The following CDK14 variants were observed in gnomAD, a reference collection of about 807,000 sequenced individuals.
CDK14 encodes the protein cyclin dependent kinase 14, also known as cyclin-dependent kinase 14.
A neutral mutation model predicts 60.7 loss-of-function variants in CDK14; 34 were observed. That is an observed-to-expected ratio of 0.56 (90% CI 0.43 to 0.75). The LOEUF (loss-of-function observed/expected upper bound fraction) is 0.75. CDK14 is among the 30% of genes least tolerant of loss of function. The probability of loss-of-function intolerance (pLI) is 0.00; values close to 1 mark genes in which losing one functional copy is unlikely to be tolerated. For synonymous variants in CDK14, 197 were observed against 203.7 expected, an observed-to-expected ratio of 0.97 and a Z score of 0.28; for missense variants, 482 against 564.1, an observed-to-expected ratio of 0.85 and a Z score of 1.47.
At chr7:91,066,587 G>A (rs575607927) in intron 11 of CDK14, among the ~76,000 whole-genome samples, 1 of 152,216 alleles carries the variant, frequency 6.6e-6, no homozygotes, top group Non-Finnish European at 1.5e-5. Flanking sequence ...ATGCTTATAT[G>A]CAAATGAGTA....
intron 2 of CDK14, among the ~76,000 whole-genome samples, chr7:90,651,669 C>G (rs1202879573): frequency 1.3e-5 from 2 of 152,112 alleles, no homozygotes; most frequent in East Asian, 3.9e-4. Flanking sequence ...GTTAATTTTT[C>G]TTTCTTGCCA....
chr7:91,003,370 C>G (rs1227876468), intron 10 of CDK14, among the ~76,000 whole-genome samples: 16 of 152,144 alleles, frequency 1.1e-4, no homozygotes, highest in Non-Finnish European at 1.6e-4. Context: ...GCCCCCACCC[C>G]TTGACAACAC....
intron 2 of CDK14, among the ~76,000 whole-genome samples, chr7:90,715,520 G>A (rs1042162183): frequency 3.9e-5 from 6 of 151,958 alleles, no homozygotes; most frequent in Non-Finnish European, 7.4e-5. Context: ...GCTATATGTT[G>A]TGGAGTCCTT....
chr7:91,200,157 A>G (rs761582520), intron 14 of CDK14, among the ~76,000 whole-genome samples: 3 of 152,222 alleles, frequency 2.0e-5, no homozygotes, highest in Non-Finnish European at 4.4e-5. Flanking sequence ...AAGAATAAGG[A>G]AATTAAGCTG....
chr7:91,202,524 T>C (rs1230729022), intron 14 of CDK14, among the ~76,000 whole-genome samples: 5 of 152,232 alleles, frequency 3.3e-5, no homozygotes, highest in Non-Finnish European at 7.3e-5. Flanking sequence ...TTCACTTCCC[T>C]GTGATTGTAG....
chr7:90,714,480 A>G lies in CDK14; in HGVS notation c.124-12087A>G, dbSNP rs544283294. On this transcript the variant is annotated intron_variant, in intron 2 of 14. Coordinates refer to ENST00000380050, the MANE Select transcript of CDK14 (RefSeq NM_001287135.2). ...ACTGGTCTTCATGAAATCAGTTAGG[A>G]GTGTTATTAATGGGTTACTGTCAAA... Among the ~76,000 whole-genome samples the G allele has an allele frequency of 4.6e-5, 7 of 152,128 alleles. No individual in the cohort carries two copies. In the South Asian group the frequency reaches 8.3e-4, roughly 18 times the overall value.
chr7:90,679,236 C>G (rs917782900), intron 2 of CDK14, among the ~76,000 whole-genome samples: 1 of 152,178 alleles, frequency 6.6e-6, no homozygotes, highest in African/African-American at 2.4e-5. Flanking sequence ...CAGATGTTAG[C>G]TACTCTACCC....
In CDK14 at chr7:90,601,393, T is replaced by C. The variant is rs144217317; in HGVS notation, c.92-2825T>C. ...TCTTTGTTGTCACTGTTAACTGCTG[T>C]TCAGGACAAGGACTCAATATTTAGA... On this transcript the variant is annotated intron_variant, in intron 1 of 14. Transcript: ENST00000380050. Among the ~76,000 whole-genome samples, 76 of 152,344 alleles carry C rather than the reference T, an allele frequency of 5.0e-4. 1 individual carries two copies. In the East Asian group the frequency reaches 0.011, roughly 22 times the overall value.
chr7:90,954,655 C>T lies in CDK14; in HGVS notation c.827-1042C>T, dbSNP rs1230844529. ...TTTTTTTTTTTTTGAGACGGAGTCTCGCTCTATCACCCAGGCTGGAGTGCA... is the reference window on the plus strand; with the variant it reads ...TTTTTTTTTTTTTGAGACGGAGTCTTGCTCTATCACCCAGGCTGGAGTGCA... On this transcript the variant is annotated intron_variant, in intron 8 of 14. Transcript: ENST00000380050. 6.6e-4 allele frequency among the ~76,000 whole-genome samples: 2 copies of T among 3,008 alleles called. 1 individual carries two copies. The highest frequency in any genetic ancestry group is 1.2e-3 in the African/African-American group (2 of 1,728). 2.0% of individuals were successfully genotyped at this position (3,008 alleles called of 152,430 possible).
chr7:91,159,988 A>G (rs1801117621), intron 14 of CDK14, among the ~76,000 whole-genome samples: 1 of 152,138 alleles, frequency 6.6e-6, no homozygotes, highest in African/African-American at 2.4e-5. Context: ...ATGGGAAGTC[A>G]TTTTTACTGG....
At chr7:90,773,810 T>C (rs1042735987) in intron 4 of CDK14, among the ~76,000 whole-genome samples, 1 of 151,304 alleles carries the variant, frequency 6.6e-6, no homozygotes, top group African/African-American at 2.4e-5. Context: ...GGTCTTCTCT[T>C]CTCTTCTCTC....
intron 14 of CDK14, among the ~76,000 whole-genome samples, chr7:91,121,970 G>T (rs1445889083): frequency 6.6e-6 from 1 of 152,132 alleles, no homozygotes; most frequent in Non-Finnish European, 1.5e-5. Flanking sequence ...CTCTAAACTG[G>T]CATAGAAAGT....
At chr7:90,809,170 T>A (rs1788987729) in intron 5 of CDK14, among the ~76,000 whole-genome samples, 1 of 152,110 alleles carries the variant, frequency 6.6e-6, no homozygotes, top group Admixed American at 6.6e-5. Context: ...GAATATACAT[T>A]CTTTTCAGCA....
intron 10 of CDK14, among the ~76,000 whole-genome samples, chr7:91,037,626 C>A (rs185926969): frequency 6.6e-6 from 1 of 152,168 alleles, no homozygotes; most frequent in Non-Finnish European, 1.5e-5. Context: ...CAACCTGATA[C>A]AGGATTCCAG....
At chr7:90,789,063 T>C (rs1805716610) in intron 4 of CDK14, among the ~76,000 whole-genome samples, 1 of 152,176 alleles carries the variant, frequency 6.6e-6, no homozygotes, top group African/African-American at 2.4e-5. Context: ...GACCTTGCAA[T>C]GGCACTTTTA....
rs537499798 is a variant in CDK14, at chr7:90,810,159, C to G, written c.544+19507C>G. ...TCCTGATACCAAAGCCTGGCAGAGA[C>G]ACAACAAAAAAAGAGAATTTTAGAC... On this transcript the variant is annotated intron_variant, in intron 5 of 14. Transcript: ENST00000380050. 2.7e-3 allele frequency among the ~76,000 whole-genome samples: 416 copies of G among 152,184 alleles called. 6 individuals carry two copies. Among genetic ancestry groups the G allele is most frequent in the African/African-American group, 9.7e-3 (401 of 41,524 alleles).
At chr7:90,977,206 T>G (rs888332564) in intron 9 of CDK14, among the ~76,000 whole-genome samples, 2 of 152,142 alleles carry the variant, frequency 1.3e-5, no homozygotes, top group Admixed American at 6.6e-5. Flanking sequence ...TTCCCTTGAG[T>G]GTTCTTGGCA....
chr7:90,975,213 T>C (rs950759232), intron 9 of CDK14, among the ~76,000 whole-genome samples: 4 of 152,142 alleles, frequency 2.6e-5, no homozygotes, highest in Admixed American at 6.6e-5. Context: ...CATTTTTTTC[T>C]ATGTATTACA....
chr7:90,741,519 G>C (rs922532974), intron 3 of CDK14, among the ~76,000 whole-genome samples: 3 of 152,054 alleles, frequency 2.0e-5, no homozygotes, highest in African/African-American at 4.8e-5. Flanking sequence ...GAGCCTTTAG[G>C]ATATTTACAG....
Sources: gnomAD v4.1 joint callset for allele counts (sites outside exome capture counted in the v4.1 genomes callset) on GRCh38, gnomAD v4.1.1 for gene constraint, MANE v1.5 for transcripts, NCBI Gene and HGNC (gene_info 2026-07-23, HGNC 2026-07-21) for gene names.